The following CFAP53 variants were observed in gnomAD, a reference collection of about 807,000 sequenced individuals.
CFAP53 encodes cilia and flagella associated protein 53, also known as cilia- and flagella-associated protein 53.
In CFAP53, 62 loss-of-function variants were observed where a neutral mutation model predicts 59.7. That is an observed-to-expected ratio of 1.04 (90% CI 0.85 to 1.28). The LOEUF is 1.28. Ranked by LOEUF, CFAP53 falls within the 50% of genes most tolerant of loss-of-function variation. CFAP53 has a pLI of 0.00. For missense variants in CFAP53, 629 were observed against 615.6 expected, an observed-to-expected ratio of 1.02 and a Z score of -0.23; for synonymous variants, 218 against 205.7, an observed-to-expected ratio of 1.06 and a Z score of -0.51.
intron 3 of CFAP53, among the ~76,000 whole-genome samples, chr18:50,252,487 T>G (rs1181357342): frequency 6.6e-6 from 1 of 152,270 alleles, no homozygotes; most frequent in South Asian, 2.1e-4. Flanking sequence ...CACTGCATCC[T>G]TGAACTCCTG....
At chr18:50,241,307 C>T (rs759728176) in intron 6 of CFAP53, among the ~76,000 whole-genome samples, 1 of 152,156 alleles carries the variant, frequency 6.6e-6, no homozygotes, top group Admixed American at 6.6e-5. Flanking sequence ...CAAATAAAGA[C>T]CCTCCTGGCC....
In CFAP53 at chr18:50,242,121, C is replaced by A. The variant is rs147501641; in HGVS notation, c.1213+779G>T. On this transcript the variant is annotated intron_variant, in intron 6 of 7. Transcript: ENST00000398545. ...AAAAACATGGCTCTATTCTGCCCGA[C>A]CCCGCAGGCAGTCAGACCTTATGGT... Among the ~76,000 whole-genome samples the A allele has an allele frequency of 7.4e-3, 1,126 of 152,312 alleles. 27 individuals carry two copies. The East Asian group carries it at 0.075, about 10-fold the overall frequency.
intron 3 of CFAP53, among the ~76,000 whole-genome samples, chr18:50,252,305 C>T (rs1428485506): frequency 2.6e-5 from 4 of 152,020 alleles, no homozygotes; most frequent in African/African-American, 9.7e-5. Context: ...GGGGTTTCAC[C>T]GTGTTAGCCA....
chr18:50,259,141 A>T (rs1047660212), intron 3 of CFAP53, among the ~76,000 whole-genome samples: 5 of 152,250 alleles, frequency 3.3e-5, no homozygotes, highest in African/African-American at 1.2e-4. Flanking sequence ...TTGAAGAGAT[A>T]GCTAAACTCC....
At position 50,238,707 on chromosome 18, in the gene CFAP53, T is replaced by C. The variant is rs1246328883; in HGVS notation, c.1214-2A>G. ...CCTGTTCTTTAGCTTCTCGTTGCAC[T>C]AAGAAAAGCAAAAGTAATTATATGT... On this transcript the variant is annotated splice_acceptor_variant, in intron 6 of 7. Transcript: ENST00000398545. LOFTEE classifies it high-confidence loss of function. The C allele has an allele frequency of 2.5e-6, 4 of 1,604,762 alleles. No homozygotes were observed. The highest frequency in any genetic ancestry group is 3.4e-6 in the Non-Finnish European group (4 of 1,174,144).
intron 2 of CFAP53, 81 bp from the exon 3 acceptor site, chr18:50,261,318 T>C (rs1039815408): frequency 2.2e-6 from 3 of 1,334,214 alleles, no homozygotes; most frequent in African/African-American, 1.5e-5. Context: ...TTCAGAACTA[T>C]AGGTCTAATT....
At chr18:50,230,839 T>C (rs1308234793) in intron 7 of CFAP53, among the ~76,000 whole-genome samples, 3 of 152,172 alleles carry the variant, frequency 2.0e-5, no homozygotes, top group Admixed American at 6.5e-5. Flanking sequence ...GAAATAAAGA[T>C]AATAGAATTT....
intron 7 of CFAP53, among the ~76,000 whole-genome samples, chr18:50,237,303 T>C (rs2033643240): frequency 3.0e-4 from 2 of 6,650 alleles, no homozygotes; most frequent in South Asian, 0.017. Context: ...AGACTCCATC[T>C]CAAAAAAAAA....
intron 5 of CFAP53, among the ~76,000 whole-genome samples, chr18:50,248,712 G>T (rs2033769069): frequency 6.6e-6 from 1 of 151,434 alleles, no homozygotes; most frequent in South Asian, 2.1e-4. Context: ...TTGAACCCGG[G>T]AGGTGGAGGT....
In CFAP53 at chr18:50,261,095, A is replaced by G; in HGVS notation, c.442T>C (p.Phe148Leu). ...TGCTGGTCTAGCTTTTCAGCCACAAAATCCTGCCTCTCTTTTTCATTCTTC... is the reference window on the plus strand; with the variant it reads ...TGCTGGTCTAGCTTTTCAGCCACAAGATCCTGCCTCTCTTTTTCATTCTTC... ...KEKNEKERQD[F>L]VAEKLDQQFR... Residue 148 changes from phenylalanine to leucine, a missense_variant, in exon 3 of 8, where the codon TTT becomes CTT. By Grantham distance (22) the Phe-to-Leu change is conservative. Transcript: ENST00000398545. 1 of 1,598,660 alleles carries G rather than the reference A, an allele frequency of 6.3e-7. No homozygotes were observed. Among genetic ancestry groups the G allele is most frequent in the Non-Finnish European group, 8.5e-7 (1 of 1,176,302 alleles).
rs919163455 is a variant in CFAP53, at chr18:50,251,632, C to A, written c.626G>T (p.Arg209Leu). 6.2e-7 allele frequency: 1 copy of A among 1,614,198 alleles called. No homozygotes were observed. Among genetic ancestry groups the A allele is most frequent in the East Asian group, 2.2e-5 (1 of 44,888 alleles). Residue 209 changes from arginine to leucine, a missense_variant, in exon 4 of 8, where the codon CGA becomes CTA. By Grantham distance (102) the Arg-to-Leu change is moderately radical. Transcript: ENST00000398545. ...GGCTTCTCGCTTTTCCTTGGCTAAT[C>A]GGTCTTCCTCCCAGAGTTTGGAGAA... ...QMFSKLWEEDRLAKEKREAQE... is the reference protein window; with the variant it reads ...QMFSKLWEEDLLAKEKREAQE...
intron 6 of CFAP53, among the ~76,000 whole-genome samples, chr18:50,241,439 G>C (rs926712128): frequency 6.6e-6 from 1 of 152,124 alleles, no homozygotes. Context: ...AAGATATCTA[G>C]ATTTCTCATG....
At chr18:50,261,760 A>G (rs1448736245) in intron 2 of CFAP53, among the ~76,000 whole-genome samples, 3 of 152,200 alleles carry the variant, frequency 2.0e-5, no homozygotes, top group African/African-American at 7.2e-5. Flanking sequence ...CAAAAGAGTA[A>G]AATGAACAGG....
intron 6 of CFAP53, among the ~76,000 whole-genome samples, chr18:50,239,735 G>A (rs994236937): frequency 2.0e-5 from 3 of 152,032 alleles, no homozygotes; most frequent in Non-Finnish European, 4.4e-5. Flanking sequence ...TTTGATAAGT[G>A]AAAAATATAG....
intron 7 of CFAP53, among the ~76,000 whole-genome samples, chr18:50,231,075 A>G (rs1034949803): frequency 6.6e-6 from 1 of 152,170 alleles, no homozygotes; most frequent in Non-Finnish European, 1.5e-5. Context: ...CAAAACTCAC[A>G]AACTTCTGCT....
chr18:50,261,979 G>C lies in CFAP53; in HGVS notation c.299+11C>G, dbSNP rs1160102318. The stretch of plus-strand genomic sequence containing the variant: ...ATTTCATGGTTTATGTCCCAGGTTT[G>C]TGAGCCTTACTTATTTCGTCTTTCT... On this transcript the variant is annotated intron_variant, in intron 2 of 7. Coordinates refer to ENST00000398545, the MANE Select transcript of CFAP53 (RefSeq NM_145020.5). 4 of 1,591,260 alleles carry C rather than the reference G, an allele frequency of 2.5e-6. No individual in the cohort carries two copies. The highest frequency in any genetic ancestry group is 3.3e-5 in the Admixed American group (2 of 59,798).
intron 4 of CFAP53, 147 bp downstream of exon 4, chr18:50,251,334 C>T (rs1297701905): frequency 2.8e-6 from 2 of 706,278 alleles, no homozygotes; most frequent in African/African-American, 1.8e-5. Flanking sequence ...CATTTGGATA[C>T]ATTATTAAAC....
intron 7 of CFAP53, among the ~76,000 whole-genome samples, chr18:50,231,171 G>C (rs1393948310): frequency 6.6e-6 from 1 of 152,208 alleles, no homozygotes; most frequent in Non-Finnish European, 1.5e-5. Context: ...GTGTTATCAA[G>C]TAGCCCAAGA....
intron 6 of CFAP53, among the ~76,000 whole-genome samples, chr18:50,241,744 T>G (rs557598875): frequency 2.0e-5 from 3 of 152,088 alleles, no homozygotes; most frequent in African/African-American, 7.2e-5. Context: ...GATCACATGC[T>G]TCAAAGGGTC....
Sources: allele counts gnomAD v4.1 joint callset (sites outside exome capture counted in the v4.1 genomes callset), GRCh38; gene constraint gnomAD v4.1.1; transcripts MANE v1.5; gene names NCBI Gene and HGNC (gene_info 2026-07-23, HGNC 2026-07-21).